SMARCA4: variants seen among roughly 807,000 people sequenced by gnomAD.
The protein encoded by SMARCA4 is SWI/SNF-related matrix-associated actin-dependent regulator of chromatin subfamily A member 4.
In SMARCA4, 31 loss-of-function variants were observed where a neutral mutation model predicts 193.9. That is an observed-to-expected ratio of 0.16 (90% CI 0.12 to 0.22). The LOEUF (loss-of-function observed/expected upper bound fraction) is 0.22, where lower values mean the gene tolerates loss of function less well. Ranked by LOEUF, SMARCA4 falls within the 10% of genes least tolerant of loss-of-function variation. SMARCA4 has a pLI of 1.00. For synonymous variants in SMARCA4, 942 were observed against 933.1 expected (o/e 1.01, Z -0.17); for missense variants, 1,148 against 2,296.0 (o/e 0.50, Z 10.22).
chr19:11,044,273 G>T (rs1172623701), intron 30 of SMARCA4, among the ~76,000 whole-genome samples: 2 of 152,160 alleles, frequency 1.3e-5, no homozygotes, highest in Admixed American at 6.5e-5. Context: ...CAAAATTCTA[G>T]AAGAAAGCAC....
chr19:10,975,771 T>A, intron 1 of SMARCA4, among the ~76,000 whole-genome samples: 1 of 152,224 alleles, frequency 6.6e-6, no homozygotes, highest in East Asian at 1.9e-4. Flanking sequence ...GACTTTTAAC[T>A]GAGTGTTTTA....
chr19:10,985,474 C>T lies in SMARCA4; in HGVS notation c.355+69C>T, dbSNP rs1251911947. On this transcript the variant is annotated intron_variant, in intron 3 of 34. Coordinates refer to ENST00000344626, the MANE Select transcript of SMARCA4 (RefSeq NM_003072.5). This position sits in a 1 kb window ranked among gnomAD's most constrained non-coding sequence, Gnocchi z 4.5. ...AGAGTCCTCAGATCATTTTCCTCCC[C>T]TGGGTTCCCACAGGATGGATTCAGG... 1 of 1,573,898 alleles carries T rather than the reference C, an allele frequency of 6.4e-7. No homozygotes were observed.
chr19:11,057,329 C>T (rs1411576648), intron 30 of SMARCA4, among the ~76,000 whole-genome samples: 3 of 152,322 alleles, frequency 2.0e-5, no homozygotes, highest in South Asian at 2.1e-4. Flanking sequence ...GCGCTGTGCA[C>T]GAGGCCTGGC....
rs1568560252 is a variant in SMARCA4, at chr19:11,058,119, AGC to A, written c.4425-133_4425-132del. 4 of 647,946 alleles carry A rather than the reference AGC, an allele frequency of 6.2e-6. No homozygotes were observed. Among genetic ancestry groups the A allele is most frequent in the Non-Finnish European group, 8.2e-6 (3 of 363,832 alleles). 40.1% of individuals were successfully genotyped at this position (647,946 alleles called of 1,614,324 possible). ...GAAACTCCGTCTCAAAAAAAAAAAA[AGC>A]GCATGTGCAAGAAATAGCTCCTGAG... On this transcript the variant is annotated intron_variant, in intron 30 of 34. Coordinates refer to ENST00000344626, the MANE Select transcript of SMARCA4 (RefSeq NM_003072.5). The surrounding 1 kb of genome is among the most constrained non-coding windows in gnomAD (Gnocchi z 5.8).
chr19:10,992,984 C>CTTTTTTT (rs758452838), intron 8 of SMARCA4, among the ~76,000 whole-genome samples: 15 of 109,324 alleles, frequency 1.4e-4, no homozygotes, highest in South Asian at 3.0e-4. Context: ...TAAAACTTTG[C>CTTTTTTT]TTTTTTTTTT....
Position 10,986,184 on chromosome 19 carries a change from T to C in SMARCA4, c.356-5T>C, listed in dbSNP as rs758315191. ...AGTGACCAGTGGGCTGACCTTTCTC[T>C]GCAGGTTACCCCTCGCCCCTGGGTG... On this transcript the variant is annotated splice_region_variant and splice_polypyrimidine_tract_variant and intron_variant, in intron 3 of 34. Transcript: ENST00000344626. This position sits in a 1 kb window ranked among gnomAD's most constrained non-coding sequence, Gnocchi z 6.7. The C allele has an allele frequency of 1.2e-6, 2 of 1,612,638 alleles. No homozygotes were observed. Among genetic ancestry groups the C allele is most frequent in the South Asian group, 1.1e-5 (1 of 91,068 alleles).
chr19:11,052,224 A>G (rs2146994001), intron 30 of SMARCA4, among the ~76,000 whole-genome samples: 1 of 152,364 alleles, frequency 6.6e-6, no homozygotes, highest in Non-Finnish European at 1.5e-5. Flanking sequence ...TGAAACATCA[A>G]CAATAGGCAG....
At chr19:11,051,491 CTTTTT>C (rs554212827) in intron 30 of SMARCA4, among the ~76,000 whole-genome samples, 2 of 133,522 alleles carry the variant, frequency 1.5e-5, no homozygotes, top group African/African-American at 2.9e-5. Flanking sequence ...GACATATTTC[CTTTTT>C]TTTTTTTTTT....
At position 11,017,874 on chromosome 19, in the gene SMARCA4, G is replaced by C. The variant is rs149404269; in HGVS notation, c.2439-1083G>C. Among the ~76,000 whole-genome samples, 1,080 of 152,344 alleles carry C rather than the reference G, an allele frequency of 7.1e-3. 13 individuals carry two copies. Among genetic ancestry groups the C allele is most frequent in the Middle Eastern group, 0.027 (8 of 294 alleles). ...CAGGCTCCTTACCTCATGGTTGCAG[G>C]ACGGCTGCACTGCCTCCCTCGCCTC... is the stretch of plus-strand genomic sequence containing the variant. On this transcript the variant is annotated intron_variant, in intron 16 of 34. Coordinates refer to ENST00000344626, the MANE Select transcript of SMARCA4 (RefSeq NM_003072.5).
At chr19:10,994,702 G>T in intron 8 of SMARCA4, 126 bp from the exon 9 acceptor site, 1 of 779,626 alleles carries the variant, frequency 1.3e-6, no homozygotes, top group Non-Finnish European at 2.3e-6. Context: ...CTCGTGATCT[G>T]CCCTCCTCTG....
At position 11,058,054 on chromosome 19, in the gene SMARCA4, C is replaced by T. The variant is rs1270311943; in HGVS notation, c.4425-201C>T. On this transcript the variant is annotated intron_variant, in intron 30 of 34. Transcript: ENST00000344626. This position sits in a 1 kb window ranked among gnomAD's most constrained non-coding sequence, Gnocchi z 5.8. ...CTGGGAGGTGGAGGTTGCAGTGAGC[C>T]GAGATCGCACCATTGCACTCCAGCC... Among the ~76,000 whole-genome samples, 5 of 151,374 alleles carry T rather than the reference C, an allele frequency of 3.3e-5. No homozygotes were observed. Among genetic ancestry groups the T allele is most frequent in the South Asian group, 2.1e-4 (1 of 4,802 alleles).
chr19:11,052,886 C>T (rs1529729), intron 30 of SMARCA4, among the ~76,000 whole-genome samples: 88,483 of 152,020 alleles, frequency 0.58, 26,279 homozygotes, highest in East Asian at 0.75. Context: ...GTATAACACC[C>T]TTTGTCACAG....
rs376775933 is a variant in SMARCA4 at position 10,985,268 on chromosome 19, C to T, written c.223-5C>T. ...GACCCTGCCTTGCCATGGTCCCTCT[C>T]GCAGCCCATGGAGTCCATGCATGAG... On this transcript the variant is annotated splice_polypyrimidine_tract_variant and splice_region_variant and intron_variant, in intron 2 of 34. Transcript: ENST00000344626. This position sits in a 1 kb window ranked among gnomAD's most constrained non-coding sequence, Gnocchi z 4.5. The T allele has an allele frequency of 4.1e-4, 669 of 1,613,732 alleles. 2 individuals carry two copies. Among genetic ancestry groups the T allele is most frequent in the Non-Finnish European group, 4.3e-4 (512 of 1,179,948 alleles).
At chr19:11,045,116 T>C (rs2075824923) in intron 30 of SMARCA4, among the ~76,000 whole-genome samples, 5 of 152,018 alleles carry the variant, frequency 3.3e-5, no homozygotes, top group Middle Eastern at 3.4e-3. Flanking sequence ...GTCAGGAGAT[T>C]GAGACCATCC....
At chr19:11,032,682 GAAAA>G (rs2075009191) in intron 25 of SMARCA4, 1 of 148,858 alleles carries the variant, frequency 6.7e-6, no homozygotes, top group Non-Finnish European at 1.5e-5. Flanking sequence ...AAAAAAAAAA[GAAAA>G]AAAGCCCATC....
chr19:11,006,570 A>G (rs147318343), intron 13 of SMARCA4, among the ~76,000 whole-genome samples: 7,415 of 150,804 alleles, frequency 0.049, 245 homozygotes, highest in South Asian at 0.11. Flanking sequence ...GGCCAACATG[A>G]TGAAACCCCG....
chr19:10,990,990 G>T (rs560561681), intron 7 of SMARCA4, among the ~76,000 whole-genome samples, 160 bp from the exon 8 acceptor site: 1 of 152,236 alleles, frequency 6.6e-6, no homozygotes, highest in African/African-American at 2.4e-5. Flanking sequence ...CGCCCTGCCC[G>T]GGGGCACCTG....
rs1225545137 is a variant in SMARCA4 at position 10,961,106 on chromosome 19, A to T, written c.-100A>T. ...TTTCGTGAAGAGAAGCGAGACGCCC[A>T]TTCTGCCCCCGGCCCCGCGCGGAGG... On this transcript the variant is annotated 5_prime_UTR_variant, in exon 1 of 35. Transcript: ENST00000344626. The T allele has an allele frequency of 6.7e-6, 1 of 148,210 alleles. No homozygotes were observed. The highest frequency in any genetic ancestry group is 2.0e-4 in the South Asian group (1 of 4,900). 9.2% of individuals were successfully genotyped at this position (148,210 alleles called of 1,614,324 possible). A position where few individuals can be genotyped will look rare whatever the true frequency, so the allele number is the denominator to read the frequency against.
chr19:11,039,663 T>G, intron 29 of SMARCA4: 1 of 503,476 alleles, frequency 2.0e-6, no homozygotes, highest in South Asian at 3.9e-5. Flanking sequence ...AAATTTTATG[T>G]TATATATGAT....
Sources: allele counts gnomAD v4.1 joint callset (sites outside exome capture counted in the v4.1 genomes callset), GRCh38; gene constraint gnomAD v4.1.1; non-coding constraint Gnocchi (gnomAD v3.1); transcripts MANE v1.5; gene names NCBI Gene and HGNC (gene_info 2026-07-23, HGNC 2026-07-21).